Variants in AXIN2 observed in about 807,000 individuals in gnomAD.
AXIN2 encodes the protein axin-2.
A neutral mutation model predicts 74.7 loss-of-function variants in AXIN2; 21 were observed. That is an observed-to-expected ratio of 0.28 (90% CI 0.20 to 0.40). AXIN2 has a LOEUF of 0.40. Ranked by LOEUF, AXIN2 falls within the 10% of genes least tolerant of loss-of-function variation. AXIN2 has a pLI of 1.00. For synonymous variants in AXIN2, 532 were observed against 454.9 expected, an observed-to-expected ratio of 1.17 and a Z score of -2.16; for missense variants, 1,144 against 1,111.1, an observed-to-expected ratio of 1.03 and a Z score of -0.42.
At chr17:65,538,047 A>C in intron 5 of AXIN2, 156 bp downstream of exon 5, 1 of 1,421,854 alleles carries the variant, frequency 7.0e-7, no homozygotes. Flanking sequence ...ATGCGCACAC[A>C]GCCCACGCCC....
chr17:65,550,293 C>T (rs971136199), intron 2 of AXIN2, among the ~76,000 whole-genome samples: 2 of 152,206 alleles, frequency 1.3e-5, no homozygotes, highest in Non-Finnish European at 2.9e-5. Context: ...TGCCATGCCC[C>T]TTCCCCCAAC....
Position 65,537,619 on chromosome 17 carries a change from G to A in AXIN2, c.1417C>T (p.His473Tyr), listed in dbSNP as rs777699064. ...RSRSPDHHHH[H>Y]HSQYHSLLPP... ...AGCAGGGAGTGGTACTGCGAATGGT[G>A]GTGGTGGTGGTGGTCCGGGGAGCGG... Residue 473 changes from histidine (H) to tyrosine (Y), a missense_variant, in exon 6 of 11, where the codon CAC becomes TAC. Around this residue, in one of 4 missense-constraint regions of AXIN2, gnomAD observed 1,053 missense variants for 973.5 expected, o/e 1.08. Transcript: ENST00000307078. 3 of 1,593,290 alleles carry A rather than the reference G, an allele frequency of 1.9e-6. No homozygotes were observed. The highest frequency in any genetic ancestry group is 1.8e-5 in the Admixed American group (1 of 56,308).
rs553412612 is a variant in AXIN2 at position 65,558,612 on chromosome 17, G to A, written c.9C>T (p.Ser3=). The change falls in exon 2 of 11, where the codon AGC becomes AGT. Residue 3 remains serine, a synonymous_variant. Transcript: ENST00000307078. MS[S]AMLVTCLPDP... ...CCGGGAGGCAAGTCACCAACATAGC[G>A]CTACTCATGGTGAGGGAGCTCTTCC... is the stretch of plus-strand genomic sequence containing the variant. 6.2e-7 allele frequency: 1 copy of A among 1,606,582 alleles called. No homozygotes were observed. Among genetic ancestry groups the A allele is most frequent in the South Asian group, 1.1e-5 (1 of 91,046 alleles).
intron 2 of AXIN2, among the ~76,000 whole-genome samples, chr17:65,555,286 T>C (rs2044251334): frequency 6.6e-6 from 1 of 152,090 alleles, no homozygotes; most frequent in South Asian, 2.1e-4. Flanking sequence ...TACTAACTTA[T>C]TAAGCCCATC....
chr17:65,539,193 C>T (rs1285977041), intron 4 of AXIN2, among the ~76,000 whole-genome samples: 1 of 152,222 alleles, frequency 6.6e-6, no homozygotes, highest in African/African-American at 2.4e-5. Context: ...CCCAACCCCC[C>T]ACCTCTCCAG....
In AXIN2 at chr17:65,558,125, T is replaced by C. The variant is rs2044299900; in HGVS notation, c.496A>G (p.Ile166Val). Residue 166 changes from isoleucine (I) to valine (V), a missense_variant, in exon 2 of 11, where the codon ATT becomes GTT. Physicochemically the swap from Ile to Val is conservative, Grantham distance 29. Around this residue, in one of 4 missense-constraint regions of AXIN2, gnomAD observed 1,053 missense variants for 973.5 expected, o/e 1.08. Transcript: ENST00000307078. ...GCCTGGTCAAACATGATGGAATCAA[T>C]CTGCTGCTTCTTGATGCCATCTCTT... is the stretch of plus-strand genomic sequence containing the variant. ...YIRDGIKKQQ[I>V]DSIMFDQAQT... 2 of 1,614,174 alleles carry C rather than the reference T, an allele frequency of 1.2e-6. No homozygotes were observed. The highest frequency in any genetic ancestry group is 1.7e-6 in the Non-Finnish European group (2 of 1,180,042).
intron 2 of AXIN2, among the ~76,000 whole-genome samples, chr17:65,554,133 A>G (rs2044233567): frequency 6.6e-6 from 1 of 152,050 alleles, no homozygotes; most frequent in Non-Finnish European, 1.5e-5. Context: ...TCTCCTCTTA[A>G]TGAGATGCTG....
intron 8 of AXIN2, among the ~76,000 whole-genome samples, 185 bp from the exon 9 acceptor site, chr17:65,535,906 A>G (rs1007566401): frequency 3.3e-5 from 5 of 152,196 alleles, no homozygotes; most frequent in African/African-American, 1.2e-4. Flanking sequence ...GTCTTGGAAC[A>G]GCCATTCTAA....
chr17:65,530,222 G>A (rs1346394376), intron 10 of AXIN2, 120 bp from the exon 11 acceptor site: 3 of 1,335,738 alleles, frequency 2.2e-6, no homozygotes, highest in South Asian at 1.2e-5. Context: ...AGGTGTGCCT[G>A]TACACTGTTG....
chr17:65,558,734 T>C lies in AXIN2; in HGVS notation c.-114A>G, dbSNP rs1456513897. 1 of 1,102,704 alleles carries C rather than the reference T, an allele frequency of 9.1e-7. No homozygotes were observed. Among genetic ancestry groups the C allele is most frequent in the Admixed American group, 2.0e-5 (1 of 50,314 alleles). 68.3% of individuals were successfully genotyped at this position (1,102,704 alleles called of 1,614,324 possible). ...TCAGCAGGGGCTCATCTGAACCTCC[T>C]CTCTGGAAAGAAAAGGAAGGGGGGA... On this transcript the variant is annotated splice_region_variant and 5_prime_UTR_variant, in exon 2 of 11. Coordinates refer to ENST00000307078, the MANE Select transcript of AXIN2 (RefSeq NM_004655.4).
intron 6 of AXIN2, 99 bp from the exon 7 acceptor site, chr17:65,537,162 G>GA: frequency 1.3e-6 from 2 of 1,544,866 alleles, no homozygotes; most frequent in Non-Finnish European, 1.8e-6. Flanking sequence ...CTGGTGACAC[G>GA]AAAGACCCAT....
At chr17:65,539,302 C>T (rs182916915) in intron 4 of AXIN2, among the ~76,000 whole-genome samples, 294 of 152,226 alleles carry the variant, frequency 1.9e-3, no homozygotes, top group African/African-American at 6.8e-3. Flanking sequence ...GCTAGCATCT[C>T]CCCCAGCTGA....
intron 8 of AXIN2, 143 bp from the exon 9 acceptor site, chr17:65,535,864 G>A: frequency 1.3e-6 from 1 of 776,780 alleles, no homozygotes; most frequent in East Asian, 2.7e-5. Flanking sequence ...CCAAGACCCT[G>A]GGTTAACAGT....
At chr17:65,538,459 G>C (rs2043984483) in intron 4 of AXIN2, 116 bp from the exon 5 acceptor site, 7 of 1,406,966 alleles carry the variant, frequency 5.0e-6, no homozygotes, top group Middle Eastern at 2.4e-4. Flanking sequence ...TTCGGGTGTA[G>C]AGTGGATGGC....
chr17:65,531,750 C>CCTTT, intron 10 of AXIN2, among the ~76,000 whole-genome samples: 1 of 152,270 alleles, frequency 6.6e-6, no homozygotes, highest in South Asian at 2.1e-4. Flanking sequence ...GGCTTTTCCA[C>CCTTT]TGCAACATGC....
intron 1 of AXIN2, chr17:65,559,543 TGA>T (rs1358356728): frequency 1.3e-5 from 2 of 151,664 alleles, no homozygotes; most frequent in South Asian, 2.1e-4. Context: ...CTTCAAACTT[TGA>T]GAGAGAGCTG....
chr17:65,552,512 G>A (rs1426709383), intron 2 of AXIN2, among the ~76,000 whole-genome samples: 1 of 152,178 alleles, frequency 6.6e-6, no homozygotes, highest in African/African-American at 2.4e-5. Context: ...ACTCTCAGTA[G>A]GGACCAGAAG....
intron 3 of AXIN2, among the ~76,000 whole-genome samples, chr17:65,542,978 T>G (rs925818913): frequency 6.6e-6 from 1 of 152,196 alleles, no homozygotes; most frequent in Non-Finnish European, 1.5e-5. Context: ...TGCCCTAGAA[T>G]TCTAAATAGC....
intron 2 of AXIN2, 32 bp from the exon 3 acceptor site, chr17:65,549,692 C>A: frequency 6.3e-7 from 1 of 1,575,444 alleles, no homozygotes. Flanking sequence ...GGTTCAGTCA[C>A]TGACCCTCAC....
Sources: gnomAD v4.1 joint callset for allele counts (sites outside exome capture counted in the v4.1 genomes callset) on GRCh38, gnomAD v4.1.1 for gene constraint, gnomAD v4.1.1 regional missense constraint, MANE v1.5 for transcripts, NCBI Gene and HGNC (gene_info 2026-07-23, HGNC 2026-07-21) for gene names.